ZNF7: variants seen among roughly 807,000 people sequenced by gnomAD.
The protein encoded by ZNF7 is C2-H2 type zinc finger protein.
In ZNF7, 10 loss-of-function variants were observed where a neutral mutation model predicts 12.0. The ratio of observed to expected loss-of-function variants is 0.83; its 90% CI spans 0.51 to 1.42. ZNF7 has a LOEUF of 1.42. Ranked by LOEUF, ZNF7 falls within the 40% of genes most tolerant of loss-of-function variation. ZNF7 has a pLI of 0.00. For missense variants in ZNF7, 854 were observed against 837.2 expected (o/e 1.02, Z -0.25); for synonymous variants, 334 against 295.0 (o/e 1.13, Z -1.35).
rs1314641319 is a variant in ZNF7, at chr8:144,841,900, C to T, written c.793C>T (p.Leu265Phe). The T allele has an allele frequency of 1.2e-6, 2 of 1,614,010 alleles. No individual in the cohort carries two copies. Among genetic ancestry groups the T allele is most frequent in the Admixed American group, 1.7e-5 (1 of 59,998 alleles). ...GAAAGTCTTCAGGCTCTGCTCGCAG[C>T]TTAATCAGCATCAGAGAATCCACAC... ...CGKVFRLCSQ[L>F]NQHQRIHTGE... Residue 265 changes from leucine (L) to phenylalanine (F), a missense_variant, in exon 5 of 5, where the codon CTT becomes TTT. Physicochemically the swap from Leu to Phe is conservative, Grantham distance 22. Transcript: ENST00000532777.
At chr8:144,844,004 C>T (rs1014081322), downstream of ZNF7, among the ~76,000 whole-genome samples, 9 of 152,294 alleles carry the variant, frequency 5.9e-5, no homozygotes, top group Non-Finnish European at 1.2e-4. Flanking sequence ...AGCAGGTACA[C>T]GCCATCATTA....
chr8:144,841,297 T>A lies in ZNF7; in HGVS notation c.248-58T>A. Reference sequence around the variant, plus strand: ...TGAGCCCTGGCCCCCGCATTTGTAGTCTTATCATTTCTCTGAGCACAGGGC... The same window carrying A: ...TGAGCCCTGGCCCCCGCATTTGTAGACTTATCATTTCTCTGAGCACAGGGC... On this transcript the variant is annotated intron_variant, in intron 4 of 4. Coordinates refer to ENST00000532777, the MANE Select transcript of ZNF7 (RefSeq NM_003416.4). The A allele has an allele frequency of 2.0e-6, 3 of 1,517,102 alleles. No individual in the cohort carries two copies. The South Asian group carries it at 3.9e-5, about 20-fold the overall frequency. The allele number at this position is 1,517,102 out of a possible 1,614,324, so 94.0% of individuals were successfully genotyped here.
In ZNF7 at chr8:144,841,393, G is replaced by A. The variant is rs1350001861; in HGVS notation, c.286G>A (p.Asp96Asn). 4.3e-6 allele frequency: 7 copies of A among 1,612,664 alleles called. No homozygotes were observed. In the South Asian group the frequency reaches 7.7e-5, roughly 18 times the overall value. The change falls in exon 5 of 5, where the codon GAC becomes AAC. Residue 96 changes from aspartate (D) to asparagine (N), a missense_variant. Coordinates refer to ENST00000532777, the MANE Select transcript of ZNF7 (RefSeq NM_003416.4). ...IRTENEQACE[D>N]MDILKSESYG... is the part of the protein sequence containing the mutation. ...GACTGAAAATGAGCAGGCCTGTGAGGACATGGACATCCTAAAATCAGAATC... is the reference window on the plus strand; with the variant it reads ...GACTGAAAATGAGCAGGCCTGTGAGAACATGGACATCCTAAAATCAGAATC...
downstream of ZNF7, among the ~76,000 whole-genome samples, chr8:144,844,422 G>A (rs773231257): frequency 4.6e-5 from 7 of 152,080 alleles, no homozygotes; most frequent in Admixed American, 2.0e-4. Flanking sequence ...AGAAAAAGAC[G>A]AAAATGGGCC....
At chr8:144,830,114 T>G (rs1828264083) in intron 3 of ZNF7, 1 of 151,780 alleles carries the variant, frequency 6.6e-6, no homozygotes, top group Admixed American at 6.5e-5. Context: ...GTCGTTGGAT[T>G]GCAACTTGGT....
At chr8:144,832,520 G>A (rs1828557487) in intron 3 of ZNF7, among the ~76,000 whole-genome samples, 2 of 152,142 alleles carry the variant, frequency 1.3e-5, no homozygotes, top group South Asian at 4.2e-4. Context: ...CCTGAGGTCA[G>A]AGTTTGAGAC....
chr8:144,842,143 C>T lies in ZNF7; in HGVS notation c.1036C>T (p.Gln346Ter). The T allele has an allele frequency of 6.2e-7, 1 of 1,613,256 alleles. No individual in the cohort carries two copies. The highest frequency in any genetic ancestry group is 8.5e-7 in the Non-Finnish European group (1 of 1,179,718). Reference protein sequence around the residue: ...CRECGKAFSQQSQLVRHQRTH... With the variant: ...CRECGKAFSQ The stretch of plus-strand genomic sequence containing the variant: ...TGAGTGTGGGAAAGCCTTCAGCCAG[C>T]AGTCGCAGCTGGTTAGACACCAGAG... The change falls in exon 5 of 5, where the codon CAG (glutamine) becomes TAG (stop). Residue 346 changes from glutamine (Q) to a stop codon, truncating the protein, a stop_gained. Transcript: ENST00000532777. LOFTEE classifies it low-confidence loss of function (END_TRUNC).
At chr8:144,840,669 G>C (rs1034443655) in intron 4 of ZNF7, among the ~76,000 whole-genome samples, 1 of 152,086 alleles carries the variant, frequency 6.6e-6, no homozygotes, top group Non-Finnish European at 1.5e-5. Context: ...AAGGCCTCCT[G>C]GGGGCCTCCA....
chr8:144,839,046 CCTTA>C (rs1341137346), intron 4 of ZNF7, among the ~76,000 whole-genome samples: 2 of 123,492 alleles, frequency 1.6e-5, no homozygotes, highest in African/African-American at 6.2e-5. Flanking sequence ...GGGGCTGTGA[CCTTA>C]CTTCCATTCA....
intron 4 of ZNF7, among the ~76,000 whole-genome samples, chr8:144,840,203 A>C (rs897334571): frequency 5.9e-5 from 9 of 152,230 alleles, no homozygotes; most frequent in Non-Finnish European, 8.8e-5. Context: ...GTGCAGGGAA[A>C]GCAGCACATG....
At chr8:144,839,659 G>C (rs1440320559) in intron 4 of ZNF7, among the ~76,000 whole-genome samples, 2 of 152,258 alleles carry the variant, frequency 1.3e-5, no homozygotes, top group Admixed American at 1.3e-4. Context: ...AGACCTGAGA[G>C]TCCGGGGCAG....
chr8:144,841,794 A>G lies in ZNF7; in HGVS notation c.687A>G (p.Gln229=). ...TQKISRCQEC[Q]KKLSDCLQGK... ...AAATTAGCAGATGTCAAGAATGCCA[A>G]AAAAAGTTATCTGACTGCTTGCAGG... The change falls in exon 5 of 5, where the codon CAA becomes CAG. Residue 229 remains glutamine, a synonymous_variant. Transcript: ENST00000532777. 1 of 1,614,244 alleles carries G rather than the reference A, an allele frequency of 6.2e-7. No homozygotes were observed. The highest frequency in any genetic ancestry group is 8.5e-7 in the Non-Finnish European group (1 of 1,180,044).
intron 2 of ZNF7, 163 bp downstream of exon 2, chr8:144,829,253 A>G: frequency 2.6e-6 from 4 of 1,539,532 alleles, no homozygotes; most frequent in South Asian, 2.4e-5. Context: ...TGCCCAAACC[A>G]GGGCCTAATT....
intron 3 of ZNF7, chr8:144,834,207 A>G (rs1342015110): frequency 2.0e-5 from 3 of 152,216 alleles, no homozygotes; most frequent in Non-Finnish European, 4.4e-5. Flanking sequence ...TTAGCTGATT[A>G]TTGCTGTAGT....
intron 4 of ZNF7, chr8:144,838,929 G>A (rs1296005187): frequency 1.0e-4 from 14 of 137,892 alleles, no homozygotes; most frequent in South Asian, 2.4e-4. Flanking sequence ...GCGACAGAGC[G>A]AGATGACGTC....
chr8:144,842,175 C>A lies in ZNF7; in HGVS notation c.1068C>A (p.His356Gln). 2 of 1,614,120 alleles carry A rather than the reference C, an allele frequency of 1.2e-6. No homozygotes were observed. The highest frequency in any genetic ancestry group is 1.7e-6 in the Non-Finnish European group (2 of 1,180,000). ...QSQLVRHQRT[H>Q]TGERPYPCKE... ...AGCTGGTTAGACACCAGAGAACTCA[C>A]ACTGGGGAGAGGCCCTACCCTTGCA... Residue 356 changes from histidine to glutamine, a missense_variant, in exon 5 of 5, where the codon CAC becomes CAA. By Grantham distance (24) the His-to-Gln change is conservative. Coordinates refer to ENST00000532777, the MANE Select transcript of ZNF7 (RefSeq NM_003416.4).
intron 4 of ZNF7, among the ~76,000 whole-genome samples, chr8:144,839,566 C>T (rs1829581555): frequency 6.6e-6 from 1 of 152,222 alleles, no homozygotes; most frequent in Admixed American, 6.5e-5. Context: ...AGCAGGTGGT[C>T]CTCACTGTGA....
Position 144,842,538 on chromosome 8 carries a change from C to T in ZNF7, c.1431C>T (p.Gly477=). The change falls in exon 5 of 5, where the codon GGC becomes GGT. Residue 477 remains glycine (G), a synonymous_variant. Coordinates refer to ENST00000532777, the MANE Select transcript of ZNF7 (RefSeq NM_003416.4). ...TTAAATGTGATGAGTGTGGCAAAGG[C>T]TTTGTTCAGGGCTCACACCTTATTC... ...KPFKCDECGK[G]FVQGSHLIQH... is the part of the protein sequence containing the mutation. 6.2e-7 allele frequency: 1 copy of T among 1,614,096 alleles called. No homozygotes were observed. The highest frequency in any genetic ancestry group is 2.2e-5 in the East Asian group (1 of 44,870).
chr8:144,828,866 A>G, intron 1 of ZNF7, 177 bp from the exon 2 acceptor site: 2 of 729,044 alleles, frequency 2.7e-6, no homozygotes, highest in Non-Finnish European at 4.5e-6. Context: ...AAGAGGAACA[A>G]GAGTTCAGTG....
Sources: gnomAD v4.1 joint callset for allele counts (sites outside exome capture counted in the v4.1 genomes callset) on GRCh38, gnomAD v4.1.1 for gene constraint, MANE v1.5 for transcripts, NCBI Gene and HGNC (gene_info 2026-07-23, HGNC 2026-07-21) for gene names.